Variants in EGFLAM observed in about 807,000 individuals in gnomAD.
EGFLAM encodes the protein pikachurin.
Under a neutral mutation model 113.1 loss-of-function variants are expected in EGFLAM, and 79 were observed. The ratio of observed to expected loss-of-function variants is 0.70; its 90% CI spans 0.58 to 0.84. The LOEUF is 0.84. EGFLAM is among the 40% of genes least tolerant of loss of function. The pLI is 0.00. For missense variants in EGFLAM, 1,265 were observed against 1,291.6 expected, an observed-to-expected ratio of 0.98 and a Z score of 0.32; for synonymous variants, 504 against 487.6, an observed-to-expected ratio of 1.03 and a Z score of -0.44.
At chr5:38,344,895 G>A (rs1156833460) in intron 3 of EGFLAM, among the ~76,000 whole-genome samples, 1 of 152,176 alleles carries the variant, frequency 6.6e-6, no homozygotes. Context: ...ACAGAATCTA[G>A]CCATAGGACC....
At chr5:38,271,744 A>G (rs1418472707) in intron 1 of EGFLAM, among the ~76,000 whole-genome samples, 1 of 152,114 alleles carries the variant, frequency 6.6e-6, no homozygotes, top group African/African-American at 2.4e-5. Flanking sequence ...TCTACTTTAT[A>G]TTATGTTATC....
chr5:38,422,117 G>A (rs982692860), intron 12 of EGFLAM, among the ~76,000 whole-genome samples: 5 of 152,054 alleles, frequency 3.3e-5, no homozygotes, highest in Non-Finnish European at 7.4e-5. Context: ...CTTGTTCATG[G>A]TCTCTTTAAG....
At chr5:38,348,119 A>G (rs1739521473) in intron 3 of EGFLAM, among the ~76,000 whole-genome samples, 2 of 152,110 alleles carry the variant, frequency 1.3e-5, no homozygotes, top group South Asian at 4.2e-4. Flanking sequence ...CAGTAGGAGG[A>G]GGAATGATTC....
At chr5:38,334,473 G>C (rs1246101121) in intron 1 of EGFLAM, among the ~76,000 whole-genome samples, 1 of 151,946 alleles carries the variant, frequency 6.6e-6, no homozygotes, top group Non-Finnish European at 1.5e-5. Context: ...ATCTTTTGGG[G>C]AACTAATCCT....
In EGFLAM at chr5:38,272,726, A is replaced by G. The variant is rs148601506; in HGVS notation, c.97+13875A>G. ...TTGAAAGCAACCAGTTGACTGAAAC[A>G]TTCATCAGTTGACTTTTTGAGAGGT... On this transcript the variant is annotated intron_variant, in intron 1 of 21. Transcript: ENST00000322350. Among the ~76,000 whole-genome samples the G allele has an allele frequency of 4.4e-3, 673 of 151,874 alleles. 5 individuals carry two copies. Among genetic ancestry groups the G allele is most frequent in the African/African-American group, 0.015 (633 of 41,380 alleles).
rs62353578 is a variant in EGFLAM, at chr5:38,331,287, C to G, written c.98-6233C>G. Among the ~76,000 whole-genome samples, 1,061 of 152,278 alleles carry G rather than the reference C, an allele frequency of 7.0e-3. 5 individuals are homozygous for G. Among genetic ancestry groups the G allele is most frequent in the Non-Finnish European group, 0.012 (798 of 68,020 alleles). On this transcript the variant is annotated intron_variant, in intron 1 of 21. Transcript: ENST00000322350. ...AGGCCATAGTTTACATTAGGGTTCA[C>G]TTTTTCTGTTGTACATTCTATGGGT...
At chr5:38,437,282 A>T (rs1742380386) in intron 16 of EGFLAM, among the ~76,000 whole-genome samples, 1 of 152,030 alleles carries the variant, frequency 6.6e-6, no homozygotes, top group Admixed American at 6.5e-5. Flanking sequence ...GTGCAGAGGG[A>T]GGGGATTCAG....
At chr5:38,316,243 G>T (rs530303311) in intron 1 of EGFLAM, among the ~76,000 whole-genome samples, 1 of 152,162 alleles carries the variant, frequency 6.6e-6, no homozygotes, top group Admixed American at 6.5e-5. Flanking sequence ...GCAACCCCAG[G>T]CTCTCTCTAG....
At chr5:38,365,609 T>A (rs1210477980) in intron 5 of EGFLAM, among the ~76,000 whole-genome samples, 2 of 152,114 alleles carry the variant, frequency 1.3e-5, no homozygotes, top group Non-Finnish European at 2.9e-5. Flanking sequence ...AGTGGCAAGA[T>A]CAATTTAATG....
intron 10 of EGFLAM, among the ~76,000 whole-genome samples, chr5:38,410,136 A>C (rs538192417): frequency 6.6e-6 from 1 of 152,354 alleles, no homozygotes; most frequent in South Asian, 2.1e-4. Context: ...GCAAGTACTC[A>C]ATAAGCATCA....
At chr5:38,323,984 G>A (rs1738806883) in intron 1 of EGFLAM, among the ~76,000 whole-genome samples, 1 of 145,370 alleles carries the variant, frequency 6.9e-6, no homozygotes, top group African/African-American at 2.6e-5. Context: ...GGAGGTTGCA[G>A]TGAACTGAGA....
intron 12 of EGFLAM, 49 bp from the exon 13 acceptor site, chr5:38,424,918 G>A (rs1205698352): frequency 1.2e-6 from 2 of 1,604,990 alleles, no homozygotes; most frequent in Admixed American, 1.7e-5. Flanking sequence ...CACTGTGTTG[G>A]ACTGGCACAC....
At chr5:38,272,876 A>T (rs1399199720) in intron 1 of EGFLAM, among the ~76,000 whole-genome samples, 1 of 152,210 alleles carries the variant, frequency 6.6e-6, no homozygotes, top group Non-Finnish European at 1.5e-5. Flanking sequence ...TTAGTGATAC[A>T]TGTACCAATG....
chr5:38,414,228 T>C (rs16903966), intron 11 of EGFLAM, among the ~76,000 whole-genome samples: 23,571 of 152,198 alleles, frequency 0.15, 1,924 homozygotes, highest in East Asian at 0.24. Context: ...GGAGATTGTT[T>C]ATGCTCAGAT....
chr5:38,357,909 C>A (rs1445631974), intron 5 of EGFLAM, among the ~76,000 whole-genome samples: 3 of 145,750 alleles, frequency 2.1e-5, no homozygotes, highest in African/African-American at 7.7e-5. Context: ...GTCACCCAGG[C>A]TGGAGTGTAG....
At chr5:38,405,464 T>C (rs1741254750) in intron 6 of EGFLAM, among the ~76,000 whole-genome samples, 1 of 152,246 alleles carries the variant, frequency 6.6e-6, no homozygotes, top group Non-Finnish European at 1.5e-5. Flanking sequence ...TTGCATTTTT[T>C]TTGTATGAAG....
At chr5:38,402,471 G>C (rs3110230) in intron 6 of EGFLAM, among the ~76,000 whole-genome samples, 27,279 of 152,112 alleles carry the variant, frequency 0.18, 2,654 homozygotes, top group African/African-American at 0.23. Flanking sequence ...CACTAAGAAT[G>C]ATCAACATAT....
chr5:38,456,283 G>GA (rs1743083257), intron 19 of EGFLAM, among the ~76,000 whole-genome samples: 1 of 152,160 alleles, frequency 6.6e-6, no homozygotes, highest in South Asian at 2.1e-4. Context: ...CAAGGTCACA[G>GA]AGCTGTTAAC....
At chr5:38,322,594 T>C (rs1738771703) in intron 1 of EGFLAM, among the ~76,000 whole-genome samples, 1 of 152,282 alleles carries the variant, frequency 6.6e-6, no homozygotes, top group South Asian at 2.1e-4. Context: ...TATGATCATC[T>C]AATCCAGTGC....
Sources: allele counts gnomAD v4.1 joint callset (sites outside exome capture counted in the v4.1 genomes callset), GRCh38; gene constraint gnomAD v4.1.1; transcripts MANE v1.5; gene names NCBI Gene and HGNC (gene_info 2026-07-23, HGNC 2026-07-21).